The following CEP97 variants were observed in gnomAD, a reference collection of about 807,000 sequenced individuals.
CEP97 encodes the protein centrosomal protein of 97 kDa.
Under a neutral mutation model 73.1 loss-of-function variants are expected in CEP97, and 43 were observed. The observed-to-expected ratio is 0.59, with a 90% CI of 0.46 to 0.76. The LOEUF (loss-of-function observed/expected upper bound fraction) is 0.76. Ranked by LOEUF, CEP97 falls within the 30% of genes least tolerant of loss-of-function variation. The pLI, the probability that CEP97 is intolerant of heterozygous loss-of-function variation, is 0.00. For synonymous variants in CEP97, 337 were observed against 370.0 expected (o/e 0.91, Z 1.02); for missense variants, 939 against 1,014.0 (o/e 0.93, Z 1.00).
rs1939378178 is a variant in CEP97 at position 101,768,668 on chromosome 3, C to G, written c.*3117C>G. On this transcript the variant is annotated 3_prime_UTR_variant, in exon 11 of 11. Coordinates refer to ENST00000341893, the MANE Select transcript of CEP97 (RefSeq NM_024548.4). ...CTGGACAACATAGCAAGACCCCCCT[C>G]TCTACAAAAAAAATTTTTTTCTGAA... is the stretch of plus-strand genomic sequence containing the variant. The G allele has an allele frequency of 1.3e-5, 2 of 152,064 alleles. No homozygotes were observed. The highest frequency in any genetic ancestry group is 1.3e-4 in the Admixed American group (2 of 15,258). 9.4% of individuals were successfully genotyped at this position (152,064 alleles called of 1,614,324 possible). A position where few individuals can be genotyped will look rare whatever the true frequency, so the allele number is the denominator to read the frequency against.
intron 4 of CEP97, among the ~76,000 whole-genome samples, chr3:101,729,592 T>C (rs933999549): frequency 1.3e-5 from 2 of 152,022 alleles, no homozygotes; most frequent in Non-Finnish European, 2.9e-5. Context: ...GTCTTTATTT[T>C]TTTTTGAGAC....
At chr3:101,752,485 A>G (rs978487477) in intron 6 of CEP97, among the ~76,000 whole-genome samples, 1 of 152,162 alleles carries the variant, frequency 6.6e-6, no homozygotes, top group Non-Finnish European at 1.5e-5. Context: ...TATCTTGCAG[A>G]GTGTTTTCCA....
chr3:101,764,952 T>C lies in CEP97; in HGVS notation c.1999T>C (p.Leu667=). The change falls in exon 11 of 11, where the codon TTA becomes CTA. Residue 667 remains leucine (L), a synonymous_variant. Coordinates refer to ENST00000341893, the MANE Select transcript of CEP97 (RefSeq NM_024548.4). ...SSTLVPSKHP[L]FTQSQESSCD... is the part of the protein sequence containing the mutation. Reference sequence around the variant, plus strand: ...TACTCTTGTGCCATCGAAACATCCATTATTTACCCAAAGCCAGGAGTCCTC... The same window carrying C: ...TACTCTTGTGCCATCGAAACATCCACTATTTACCCAAAGCCAGGAGTCCTC... 1 of 1,614,196 alleles carries C rather than the reference T, an allele frequency of 6.2e-7. No homozygotes were observed.
chr3:101,762,478 A>T lies in CEP97; in HGVS notation c.1818-7A>T, dbSNP rs1939198169. 1.3e-6 allele frequency: 2 copies of T among 1,585,936 alleles called. No homozygotes were observed. Among genetic ancestry groups the T allele is most frequent in the African/African-American group, 2.7e-5 (2 of 74,132 alleles). Reference sequence around the variant, plus strand: ...TTATGTCAATAATGTGTTTTGAATTATTGTAGATTACGAAAAGAAAGAGAT... The same window carrying T: ...TTATGTCAATAATGTGTTTTGAATTTTTGTAGATTACGAAAAGAAAGAGAT... On this transcript the variant is annotated splice_region_variant and splice_polypyrimidine_tract_variant and intron_variant, in intron 9 of 10. Transcript: ENST00000341893.
At chr3:101,732,390 T>C (rs1319336647) in intron 5 of CEP97, 98 bp from the exon 6 acceptor site, 1 of 804,906 alleles carries the variant, frequency 1.2e-6, no homozygotes, top group Non-Finnish European at 2.0e-6. Context: ...AGGGAAATTA[T>C]CACATTCTCA....
chr3:101,753,148 C>T (rs1213022553), intron 6 of CEP97, among the ~76,000 whole-genome samples: 1 of 152,154 alleles, frequency 6.6e-6, no homozygotes, highest in African/African-American at 2.4e-5. Flanking sequence ...TTGGAGTTTG[C>T]TAGAGGTCCA....
rs193228690 is a variant in CEP97 at position 101,732,595 on chromosome 3, C to T, written c.669C>T (p.Ile223=). ...CAGGATTTGACTATCGGCCGTACAT[C>T]GTCAGCTGGTGCCTAAACCTCAGAG... ...SIPGFDYRPY[I]VSWCLNLRVL... The change falls in exon 6 of 11, where the codon ATC becomes ATT. Residue 223 remains isoleucine, a synonymous_variant. Transcript: ENST00000341893. 52 of 1,614,044 alleles carry T rather than the reference C, an allele frequency of 3.2e-5. No individual in the cohort carries two copies. The African/African-American group carries it at 4.3e-4, about 13-fold the overall frequency.
chr3:101,760,022 C>CAGAAAAA (rs1939126643), intron 9 of CEP97, among the ~76,000 whole-genome samples: 1 of 88,658 alleles, frequency 1.1e-5, no homozygotes, highest in Admixed American at 1.5e-4. Flanking sequence ...GATGGTGCAG[C>CAGAAAAA]AAAAAAAAAA....
Position 101,765,192 on chromosome 3 carries a change from G to T in CEP97, c.2239G>T (p.Asp747Tyr). 2.5e-6 allele frequency: 4 copies of T among 1,614,232 alleles called. No homozygotes were observed. The highest frequency in any genetic ancestry group is 3.4e-6 in the Non-Finnish European group (4 of 1,180,038). ...IDTVRYGKES[D>Y]LGDVSEEHGE... The stretch of plus-strand genomic sequence containing the variant: ...CACAGTCAGATATGGCAAAGAATCA[G>T]ATTTAGGGGATGTTAGTGAAGAACA... The change falls in exon 11 of 11, where the codon GAT becomes TAT. Residue 747 changes from aspartate (D) to tyrosine (Y), a missense_variant. Physicochemically the swap from Asp to Tyr is radical, Grantham distance 160 (BLOSUM62 -3). Transcript: ENST00000341893.
intron 6 of CEP97, among the ~76,000 whole-genome samples, chr3:101,752,281 C>T (rs1172655606): frequency 6.6e-6 from 1 of 152,082 alleles, no homozygotes; most frequent in East Asian, 1.9e-4. Context: ...GTCTGATGGG[C>T]TTCCCTTTGT....
At chr3:101,763,590 C>CG (rs1183797027) in intron 10 of CEP97, among the ~76,000 whole-genome samples, 2 of 152,090 alleles carry the variant, frequency 1.3e-5, no homozygotes, top group African/African-American at 4.8e-5. Context: ...TTACCTTGGG[C>CG]GGGGGGTCAA....
At chr3:101,748,352 G>C (rs1016625964) in intron 6 of CEP97, among the ~76,000 whole-genome samples, 28 of 151,750 alleles carry the variant, frequency 1.8e-4, no homozygotes, top group African/African-American at 6.1e-4. Flanking sequence ...TCTACAGTTT[G>C]TGTTTTTTTT....
intron 6 of CEP97, among the ~76,000 whole-genome samples, chr3:101,733,278 T>G (rs1464048940): frequency 6.6e-6 from 1 of 152,204 alleles, no homozygotes; most frequent in Non-Finnish European, 1.5e-5. Context: ...AGATCCTGTG[T>G]AGGATCTCAG....
chr3:101,757,812 G>C lies in CEP97; in HGVS notation c.1206G>C (p.Glu402Asp). 3 of 1,614,238 alleles carry C rather than the reference G, an allele frequency of 1.9e-6. No individual in the cohort carries two copies. The South Asian group carries it at 3.3e-5, about 18-fold the overall frequency. ...DKLNCSLLSS[E>D]STFMPVASGL... The stretch of plus-strand genomic sequence containing the variant: ...TAAACTGTAGTCTTCTCTCTTCAGA[G>C]TCTACTTTTATGCCAGTTGCATCAG... Residue 402 changes from glutamate to aspartate, a missense_variant, in exon 9 of 11, where the codon GAG becomes GAC. By Grantham distance (45) the Glu-to-Asp change is conservative. Coordinates refer to ENST00000341893, the MANE Select transcript of CEP97 (RefSeq NM_024548.4).
chr3:101,758,433 A>C lies in CEP97; in HGVS notation c.1817+10A>C, dbSNP rs765935445. On this transcript the variant is annotated intron_variant, in intron 9 of 10. Transcript: ENST00000341893. ...CTGATGAAATAAGGAGGTGGGTCAG[A>C]AGTCCTTTTGATGCACTGTTTTGTT... 2.5e-6 allele frequency: 4 copies of C among 1,613,266 alleles called. No homozygotes were observed. Among genetic ancestry groups the C allele is most frequent in the Non-Finnish European group, 3.4e-6 (4 of 1,179,968 alleles).
At position 101,724,650 on chromosome 3, in the gene CEP97, G is replaced by T. The variant is rs769175929; in HGVS notation, c.-27G>T. On this transcript the variant is annotated 5_prime_UTR_variant, in exon 1 of 11. Coordinates refer to ENST00000341893, the MANE Select transcript of CEP97 (RefSeq NM_024548.4). ...TCCACAGAGCCGCGGGAGGACGGTT[G>T]CCTGGTATTATTAGCAAGCAGCAAA... 47 of 1,613,984 alleles carry T rather than the reference G, an allele frequency of 2.9e-5. No individual in the cohort carries two copies. In the South Asian group the frequency reaches 4.3e-4, roughly 15 times the overall value.
rs1939194794 is a variant in CEP97 at position 101,762,314 on chromosome 3, A to C, written c.1818-171A>C. On this transcript the variant is annotated intron_variant, in intron 9 of 10. Transcript: ENST00000341893. Reference sequence around the variant, plus strand: ...ATAAAACTGTTCCATTTTGATTCTGAGGTTAAAAAAATAAAAATAAAATAA... The same window carrying C: ...ATAAAACTGTTCCATTTTGATTCTGCGGTTAAAAAAATAAAAATAAAATAA... Among the ~76,000 whole-genome samples, 2 of 152,142 alleles carry C rather than the reference A, an allele frequency of 1.3e-5. 1 individual carries two copies. The highest frequency in any genetic ancestry group is 4.1e-4 in the South Asian group (2 of 4,826).
At position 101,770,246 on chromosome 3, in the gene CEP97, A is replaced by G. The variant is rs1259859540; in HGVS notation, c.*4695A>G. On this transcript the variant is annotated 3_prime_UTR_variant, in exon 11 of 11. Coordinates refer to ENST00000341893, the MANE Select transcript of CEP97 (RefSeq NM_024548.4). ...CACCATGTTGGCCAGGATGGTCTCA[A>G]TCTCTTGACCTCGTGATCCACCCAG... 1.3e-5 allele frequency: 2 copies of G among 152,148 alleles called. No homozygotes were observed. Among genetic ancestry groups the G allele is most frequent in the East Asian group, 1.9e-4 (1 of 5,202 alleles). The allele number at this position is 152,148 out of a possible 1,614,324, so 9.4% of individuals were successfully genotyped here.
At chr3:101,731,722 T>C in intron 4 of CEP97, 118 bp from the exon 5 acceptor site, 2 of 626,194 alleles carry the variant, frequency 3.2e-6, no homozygotes, top group Non-Finnish European at 5.7e-6. Flanking sequence ...TTGTGTGTGA[T>C]GAGAAATATA....
Sources: allele counts gnomAD v4.1 joint callset (sites outside exome capture counted in the v4.1 genomes callset), GRCh38; gene constraint gnomAD v4.1.1; transcripts MANE v1.5; gene names NCBI Gene and HGNC (gene_info 2026-07-23, HGNC 2026-07-21).